SH3GL2: variants seen among roughly 807,000 people sequenced by gnomAD.
SH3GL2 encodes SH3 domain containing GRB2 like 2, endophilin A1, also known as endophilin-A1.
Under a neutral mutation model 46.0 loss-of-function variants are expected in SH3GL2, and 24 were observed. The ratio of observed to expected loss-of-function variants is 0.52; its 90% CI spans 0.38 to 0.73. SH3GL2 has a LOEUF of 0.73. Among genes scored for constraint, SH3GL2 ranks in the 30% least tolerant of loss-of-function variants. SH3GL2 has a pLI of 0.00. For synonymous variants in SH3GL2, 196 were observed against 147.1 expected, an observed-to-expected ratio of 1.33 and a Z score of -2.40; for missense variants, 413 against 424.2, an observed-to-expected ratio of 0.97 and a Z score of 0.23.
intron 1 of SH3GL2, among the ~76,000 whole-genome samples, chr9:17,596,275 A>G (rs1377881218): frequency 1.3e-5 from 2 of 152,224 alleles, no homozygotes; most frequent in African/African-American, 4.8e-5. Flanking sequence ...TTCACCAAGA[A>G]GATGTGTACA....
At position 17,620,601 on chromosome 9, in the gene SH3GL2, T is replaced by C. The variant is rs76270610; in HGVS notation, c.45+41314T>C. ...GAGGGTTGGTGCAGTACTCTGGGCA[T>C]GAGAAACTGGTGGCTTTTGCCACCA... On this transcript the variant is annotated intron_variant, in intron 1 of 8. Coordinates refer to ENST00000380607, the MANE Select transcript of SH3GL2 (RefSeq NM_003026.5). Among the ~76,000 whole-genome samples, 397 of 152,238 alleles carry C rather than the reference T, an allele frequency of 2.6e-3. 2 individuals carry two copies. The highest frequency in any genetic ancestry group is 9.3e-3 in the African/African-American group (388 of 41,554).
chr9:17,719,550 C>T (rs1821841663), intron 1 of SH3GL2, among the ~76,000 whole-genome samples: 2 of 152,004 alleles, frequency 1.3e-5, no homozygotes, highest in Admixed American at 1.3e-4. Context: ...CTTTGGGAGG[C>T]CAACGTGGGA....
chr9:17,640,179 A>AGT, intron 1 of SH3GL2, among the ~76,000 whole-genome samples: 1 of 152,182 alleles, frequency 6.6e-6, no homozygotes. Context: ...ACCCCAGTAA[A>AGT]AACATTTTAA....
chr9:17,728,524 C>T (rs566800088), intron 1 of SH3GL2, among the ~76,000 whole-genome samples: 3 of 152,118 alleles, frequency 2.0e-5, no homozygotes, highest in Admixed American at 6.6e-5. Context: ...ATGTGCAGAA[C>T]GTGCAGGTTT....
chr9:17,741,001 C>A (rs1470292535), intron 1 of SH3GL2, among the ~76,000 whole-genome samples: 1 of 152,056 alleles, frequency 6.6e-6, no homozygotes, highest in Non-Finnish European at 1.5e-5. Context: ...TTTTTAAAAA[C>A]CCTTGCCTAA....
intron 1 of SH3GL2, among the ~76,000 whole-genome samples, chr9:17,703,690 T>A (rs1348413412): frequency 6.6e-6 from 1 of 151,954 alleles, no homozygotes. Context: ...TACACAGAAC[T>A]AAAGACAAAA....
intron 1 of SH3GL2, among the ~76,000 whole-genome samples, chr9:17,655,896 G>T (rs1167187175): frequency 6.6e-6 from 1 of 152,170 alleles, no homozygotes; most frequent in East Asian, 1.9e-4. Flanking sequence ...AGGTCACTTT[G>T]CACAGGGATC....
At chr9:17,673,431 C>T (rs1050080591) in intron 1 of SH3GL2, among the ~76,000 whole-genome samples, 6 of 151,770 alleles carry the variant, frequency 4.0e-5, no homozygotes, top group African/African-American at 1.2e-4. Context: ...TAGGCATGAG[C>T]CACCACGCCT....
At chr9:17,606,334 G>A (rs1034901119) in intron 1 of SH3GL2, among the ~76,000 whole-genome samples, 4 of 151,984 alleles carry the variant, frequency 2.6e-5, no homozygotes, top group Non-Finnish European at 4.4e-5. Flanking sequence ...CTCATGATCC[G>A]CCCGCCTTGG....
intron 1 of SH3GL2, among the ~76,000 whole-genome samples, chr9:17,746,642 G>C (rs1316865112): frequency 6.6e-6 from 1 of 152,090 alleles, no homozygotes; most frequent in Non-Finnish European, 1.5e-5. Context: ...GTGATTATCT[G>C]TTCAATAGCC....
chr9:17,596,141 ATG>A (rs952778909), intron 1 of SH3GL2, among the ~76,000 whole-genome samples: 2 of 152,124 alleles, frequency 1.3e-5, no homozygotes, highest in African/African-American at 4.8e-5. Context: ...CTATAAATAT[ATG>A]TCAGTTTGCT....
At chr9:17,633,711 A>G (rs1302248172) in intron 1 of SH3GL2, among the ~76,000 whole-genome samples, 1 of 152,198 alleles carries the variant, frequency 6.6e-6, no homozygotes, top group Admixed American at 6.5e-5. Flanking sequence ...ACTTCTGGGA[A>G]ATAAAGGCTG....
intron 1 of SH3GL2, among the ~76,000 whole-genome samples, chr9:17,648,715 G>A (rs1819885776): frequency 1.3e-5 from 2 of 152,176 alleles, no homozygotes; most frequent in African/African-American, 4.8e-5. Context: ...GATTCTAAAT[G>A]TTTGTGTTGG....
chr9:17,782,774 T>C (rs1009597426), intron 3 of SH3GL2, among the ~76,000 whole-genome samples: 2 of 152,130 alleles, frequency 1.3e-5, no homozygotes, highest in African/African-American at 4.8e-5. Flanking sequence ...AAAATTAAAA[T>C]GTTTAAATGA....
Position 17,591,756 on chromosome 9 carries a change from A to G in SH3GL2, c.45+12469A>G, listed in dbSNP as rs544624240. ...TGGAGTTACTGATATAAAGCCTGGA[A>G]CATTGCTAAGCTCATAGTGTCCAGT... is the stretch of plus-strand genomic sequence containing the variant. On this transcript the variant is annotated intron_variant, in intron 1 of 8. Transcript: ENST00000380607. 6.6e-5 allele frequency among the ~76,000 whole-genome samples: 10 copies of G among 152,322 alleles called. No homozygotes were observed. The South Asian group carries it at 1.9e-3, about 28-fold the overall frequency.
intron 1 of SH3GL2, among the ~76,000 whole-genome samples, chr9:17,676,519 T>A (rs2118003823): frequency 6.6e-6 from 1 of 152,210 alleles, no homozygotes; most frequent in African/African-American, 2.4e-5. Flanking sequence ...GGCAGGAGAA[T>A]CACTTGAACC....
At chr9:17,651,835 A>G (rs1009594107) in intron 1 of SH3GL2, among the ~76,000 whole-genome samples, 2 of 152,094 alleles carry the variant, frequency 1.3e-5, no homozygotes, top group Middle Eastern at 3.4e-3. Context: ...TTTCTCACTC[A>G]TTACTTCAGT....
At chr9:17,630,889 C>T (rs950539837) in intron 1 of SH3GL2, among the ~76,000 whole-genome samples, 3 of 152,250 alleles carry the variant, frequency 2.0e-5, no homozygotes, top group African/African-American at 7.2e-5. Flanking sequence ...AAAATTCCTT[C>T]ACCCATGGCC....
chr9:17,626,453 TC>T (rs1819283643), intron 1 of SH3GL2, among the ~76,000 whole-genome samples: 1 of 152,242 alleles, frequency 6.6e-6, no homozygotes, highest in African/African-American at 2.4e-5. Flanking sequence ...CTCATCTCTC[TC>T]TTATTTCCTG....
Sources: allele counts gnomAD v4.1 joint callset (sites outside exome capture counted in the v4.1 genomes callset), GRCh38; gene constraint gnomAD v4.1.1; transcripts MANE v1.5; gene names NCBI Gene and HGNC (gene_info 2026-07-23, HGNC 2026-07-21).